Variants in TOLLIP observed in about 807,000 individuals in gnomAD.
TOLLIP encodes toll-interacting protein.
In TOLLIP, 16 loss-of-function variants were observed where a neutral mutation model predicts 33.5. That is an observed-to-expected ratio of 0.48 (90% CI 0.32 to 0.72). TOLLIP has a LOEUF of 0.72. Among genes scored for constraint, TOLLIP ranks in the 30% least tolerant of loss-of-function variants. TOLLIP has a pLI of 0.03. For missense variants in TOLLIP, 325 were observed against 396.6 expected, an observed-to-expected ratio of 0.82 and a Z score of 1.53; for synonymous variants, 176 against 163.7, an observed-to-expected ratio of 1.07 and a Z score of -0.57.
In TOLLIP at chr11:1,303,697, G is replaced by C. The variant is rs916989109; in HGVS notation, c.33+5769C>G. 6.6e-6 allele frequency among the ~76,000 whole-genome samples: 1 copy of C among 152,212 alleles called. No homozygotes were observed. Among genetic ancestry groups the C allele is most frequent in the Non-Finnish European group, 1.5e-5 (1 of 68,038 alleles). On this transcript the variant is annotated intron_variant, in intron 1 of 5. Transcript: ENST00000317204. This position sits in a 1 kb window ranked among gnomAD's most constrained non-coding sequence, Gnocchi z 4.2. ...AACACTTGCACAGCAGGCCTAACCA[G>C]GGGCCTGTCGGGCAGGTCAAGGGAC...
chr11:1,291,450 C>T (rs937498576), intron 2 of TOLLIP, among the ~76,000 whole-genome samples: 6 of 151,698 alleles, frequency 4.0e-5, no homozygotes, highest in African/African-American at 1.2e-4. Context: ...CACTGCCCCC[C>T]GACCCCCTCT....
rs941086913 is a variant in TOLLIP, at chr11:1,275,734, T to TA, written c.*1304dup. On this transcript the variant is annotated 3_prime_UTR_variant, in exon 6 of 6. Coordinates refer to ENST00000317204, the MANE Select transcript of TOLLIP (RefSeq NM_019009.4). ...GTATTTTCTAGCTGGCACTGAAACT[T>TA]AACCTATTTTTTTGAGGGAGAAAAA... The TA allele has an allele frequency of 1.3e-4, 20 of 152,250 alleles. No homozygotes were observed. Among genetic ancestry groups the TA allele is most frequent in the African/African-American group, 4.8e-4 (20 of 41,544 alleles). The allele number at this position is 152,250 out of a possible 1,614,324, so 9.4% of individuals were successfully genotyped here.
At chr11:1,295,520 G>A (rs957914884) in intron 2 of TOLLIP, 125 bp downstream of exon 2, 2 of 1,237,246 alleles carry the variant, frequency 1.6e-6, no homozygotes, top group Non-Finnish European at 2.2e-6. Flanking sequence ...CAGGTTTCAG[G>A]AAAAGCGGGA....
At position 1,309,577 on chromosome 11, in the gene TOLLIP, C is replaced by T; in HGVS notation, c.-79G>A. The T allele has an allele frequency of 5.1e-6, 4 of 787,362 alleles. No individual in the cohort carries two copies. Among genetic ancestry groups the T allele is most frequent in the South Asian group, 3.7e-5 (1 of 27,108 alleles). The allele number at this position is 787,362 out of a possible 1,614,324, so 48.8% of individuals were successfully genotyped here. On this transcript the variant is annotated 5_prime_UTR_variant, in exon 1 of 6. Transcript: ENST00000317204. ...CCTCCTGCGCCCCCGCCGGAGCCTG[C>T]GACGGAGACAGTTGTCACCTCGAGG... is the stretch of plus-strand genomic sequence containing the variant.
chr11:1,285,789 C>A (rs1035365865), intron 5 of TOLLIP, among the ~76,000 whole-genome samples: 18 of 148,460 alleles, frequency 1.2e-4, no homozygotes, highest in African/African-American at 2.5e-4. Context: ...AAAAAAAAAA[C>A]AATTCTATTT....
At chr11:1,297,727 G>C (rs774949064) in intron 1 of TOLLIP, among the ~76,000 whole-genome samples, 2 of 152,218 alleles carry the variant, frequency 1.3e-5, no homozygotes, top group Non-Finnish European at 1.5e-5. Context: ...CTGCCCTTAC[G>C]GACAATCGAG....
intron 1 of TOLLIP, among the ~76,000 whole-genome samples, chr11:1,305,031 A>G (rs1026016678): frequency 6.6e-6 from 1 of 152,236 alleles, no homozygotes; most frequent in Non-Finnish European, 1.5e-5. Flanking sequence ...CATAGAAGGA[A>G]AAAGTACTAG....
intron 4 of TOLLIP, among the ~76,000 whole-genome samples, chr11:1,287,180 CACT>C (rs1336423577): frequency 3.3e-5 from 5 of 152,128 alleles, no homozygotes; most frequent in South Asian, 2.1e-4. Context: ...GTCACTGCAC[CACT>C]GTCGTCTCTG....
intron 1 of TOLLIP, chr11:1,302,746 C>T: frequency 1.0e-6 from 1 of 985,628 alleles, no homozygotes. Flanking sequence ...AAATAAGTGG[C>T]ATTTCATGCA....
At chr11:1,304,601 C>A (rs1260799829) in intron 1 of TOLLIP, among the ~76,000 whole-genome samples, 2 of 152,214 alleles carry the variant, frequency 1.3e-5, no homozygotes, top group African/African-American at 4.8e-5. Flanking sequence ...TGATTAACTT[C>A]TTCTTTATTT....
chr11:1,307,416 G>GT (rs1864449017), intron 1 of TOLLIP, among the ~76,000 whole-genome samples: 1 of 152,244 alleles, frequency 6.6e-6, no homozygotes, highest in Non-Finnish European at 1.5e-5. Context: ...CATCGCGGGT[G>GT]TAACAGCGCT....
intron 1 of TOLLIP, among the ~76,000 whole-genome samples, chr11:1,304,566 G>A (rs1185457535): frequency 1.3e-5 from 2 of 152,248 alleles, no homozygotes; most frequent in South Asian, 2.1e-4. Flanking sequence ...AGGTCTCCGC[G>A]TGGATCCGGA....
chr11:1,292,484 TC>T (rs1373618078), intron 2 of TOLLIP, among the ~76,000 whole-genome samples: 1 of 152,248 alleles, frequency 6.6e-6, no homozygotes, highest in African/African-American at 2.4e-5. Context: ...CTCAGCGTCA[TC>T]CTCTCATTCC....
At chr11:1,286,753 T>G (rs1478976559) in intron 4 of TOLLIP, among the ~76,000 whole-genome samples, 1 of 151,696 alleles carries the variant, frequency 6.6e-6, no homozygotes, top group East Asian at 1.9e-4. Context: ...AGTTCAAAAC[T>G]GTCCACTGCG....
intron 3 of TOLLIP, among the ~76,000 whole-genome samples, chr11:1,289,756 C>T (rs748967805): frequency 4.0e-5 from 6 of 150,230 alleles, no homozygotes; most frequent in Non-Finnish European, 8.9e-5. Context: ...GCGGGGCGGA[C>T]ACATGCATGC....
intron 5 of TOLLIP, among the ~76,000 whole-genome samples, chr11:1,280,227 G>C (rs76729597): frequency 6.6e-6 from 1 of 152,262 alleles, no homozygotes; most frequent in Non-Finnish European, 1.5e-5. Flanking sequence ...CGTGCGAGGG[G>C]AAGCATGCCT....
chr11:1,276,724 G>A lies in TOLLIP; in HGVS notation c.*315C>T. On this transcript the variant is annotated 3_prime_UTR_variant, in exon 6 of 6. Transcript: ENST00000317204. The stretch of plus-strand genomic sequence containing the variant: ...CTCCACCACCTCCAACACCCTGGCA[G>A]AAGCAGCTGCTCTCTACAGCAAGAG... 6.9e-7 allele frequency: 1 copy of A among 1,445,490 alleles called. No individual in the cohort carries two copies. 89.5% of individuals were successfully genotyped at this position (1,445,490 alleles called of 1,614,324 possible). A position where few individuals can be genotyped will look rare whatever the true frequency, so the allele number is the denominator to read the frequency against.
At chr11:1,301,584 C>T (rs1439916460) in intron 1 of TOLLIP, among the ~76,000 whole-genome samples, 1 of 152,166 alleles carries the variant, frequency 6.6e-6, no homozygotes, top group Non-Finnish European at 1.5e-5. Context: ...AAGTTTCCTC[C>T]CCCAAGAACC....
At position 1,303,160 on chromosome 11, in the gene TOLLIP, ATAAAAGCTGAC is replaced by A. The variant is rs1256215997; in HGVS notation, c.33+6295_33+6305del. ...GACAGAATGAGAATAAGCATAGATT[ATAAAAGCTGAC>A]TACAGAACAAGCGACTTTAAATGGG... On this transcript the variant is annotated intron_variant, in intron 1 of 5. Transcript: ENST00000317204. This position sits in a 1 kb window ranked among gnomAD's most constrained non-coding sequence, Gnocchi z 4.2. Among the ~76,000 whole-genome samples, 2 of 152,226 alleles carry A rather than the reference ATAAAAGCTGAC, an allele frequency of 1.3e-5. No individual in the cohort carries two copies. The highest frequency in any genetic ancestry group is 4.8e-5 in the African/African-American group (2 of 41,454).
Sources: allele counts gnomAD v4.1 joint callset (sites outside exome capture counted in the v4.1 genomes callset), GRCh38; gene constraint gnomAD v4.1.1; non-coding constraint Gnocchi (gnomAD v3.1); transcripts MANE v1.5; gene names NCBI Gene and HGNC (gene_info 2026-07-23, HGNC 2026-07-21).